The following KNTC1 variants were observed in gnomAD, a reference collection of about 807,000 sequenced individuals.
KNTC1 encodes kinetochore-associated protein 1.
In KNTC1, 253 loss-of-function variants were observed where a neutral mutation model predicts 314.4. The ratio of observed to expected loss-of-function variants is 0.80; its 90% CI spans 0.73 to 0.89. KNTC1 has a LOEUF of 0.89. KNTC1 is among the 40% of genes least tolerant of loss of function. KNTC1 has a pLI of 0.00. For missense variants in KNTC1, 2,475 were observed against 2,572.9 expected, an observed-to-expected ratio of 0.96 and a Z score of 0.82; for synonymous variants, 901 against 901.4, an observed-to-expected ratio of 1.00 and a Z score of 0.01.
At chr12:122,553,052 G>A (rs370408755) in intron 16 of KNTC1, among the ~76,000 whole-genome samples, 1 of 152,000 alleles carries the variant, frequency 6.6e-6, no homozygotes, top group Non-Finnish European at 1.5e-5. Flanking sequence ...ACCTACTCGG[G>A]AGGCTGAAGC....
Position 122,573,000 on chromosome 12 carries a change from T to G in KNTC1, c.2083T>G (p.Leu695Val). The G allele has an allele frequency of 1.2e-6, 2 of 1,609,886 alleles. No individual in the cohort carries two copies. Among genetic ancestry groups the G allele is most frequent in the South Asian group, 1.1e-5 (1 of 90,366 alleles). Residue 695 changes from leucine to valine, a missense_variant, in exon 25 of 64, where the codon TTG (leucine) becomes GTG (valine). Coordinates refer to ENST00000333479, the MANE Select transcript of KNTC1 (RefSeq NM_014708.6). ...LRTLVNNLRE[L>V]ITLHRKYNCK... ...GACTTTGGTAAATAACTTGCGAGAG[T>G]TGATCACGTTGCATAGGAAGTACAA...
In KNTC1 at chr12:122,565,240, G is replaced by GTT. The variant is rs34289528; in HGVS notation, c.1604+2552_1604+2553dup. ...CCTTGGTCCCTCTTTCTCTTGAGTT[G>GTT]TTTTTTTTTTTTAAAAAAAAAAAAA... On this transcript the variant is annotated intron_variant, in intron 20 of 63. Coordinates refer to ENST00000333479, the MANE Select transcript of KNTC1 (RefSeq NM_014708.6). Among the ~76,000 whole-genome samples the GTT allele has an allele frequency of 1.8e-3, 174 of 99,304 alleles. 1 individual carries two copies. The highest frequency in any genetic ancestry group is 3.6e-3 in the East Asian group (13 of 3,592). The allele number at this position is 99,304 out of a possible 152,430, so 65.1% of individuals were successfully genotyped here.
Position 122,618,472 on chromosome 12 carries a change from T to TTCAGCC in KNTC1, c.6086-9_6086-8insCAGCCT. ...TGTATATCATGGTTGTTTTTTTGTT[T>TTCAGCC]TGTTTTCAGCCTCTTGTCCTTTAAG... On this transcript the variant is annotated splice_polypyrimidine_tract_variant and intron_variant, in intron 58 of 63. Coordinates refer to ENST00000333479, the MANE Select transcript of KNTC1 (RefSeq NM_014708.6). 1 of 1,612,940 alleles carries TTCAGCC rather than the reference T, an allele frequency of 6.2e-7. No homozygotes were observed. Among genetic ancestry groups the TTCAGCC allele is most frequent in the Non-Finnish European group, 8.5e-7 (1 of 1,179,596 alleles).
At chr12:122,596,114 G>T (rs977931563) in intron 43 of KNTC1, among the ~76,000 whole-genome samples, 1 of 124,456 alleles carries the variant, frequency 8.0e-6, no homozygotes, top group African/African-American at 3.2e-5. Flanking sequence ...ACGGAGTCTC[G>T]CTCTGTCACC....
intron 54 of KNTC1, 30 bp from the exon 55 acceptor site, chr12:122,613,596 A>G (rs1593682926): frequency 1.3e-6 from 2 of 1,569,016 alleles, no homozygotes; most frequent in East Asian, 4.5e-5. Context: ...GCCTATGAGA[A>G]TGATTCTTAG....
At chr12:122,606,289 G>A (rs1003360671) in intron 51 of KNTC1, among the ~76,000 whole-genome samples, 3 of 144,644 alleles carry the variant, frequency 2.1e-5, no homozygotes, top group Non-Finnish European at 4.5e-5. Flanking sequence ...GTGCAGTGGC[G>A]TGATCTCAGC....
At chr12:122,543,348 A>G (rs1216574448) in intron 6 of KNTC1, among the ~76,000 whole-genome samples, 12 of 152,352 alleles carry the variant, frequency 7.9e-5, no homozygotes, top group East Asian at 5.8e-4. Context: ...TGAGAAGCAC[A>G]GGAGAGTTGG....
At chr12:122,591,559 T>C in intron 42 of KNTC1, 106 bp downstream of exon 42, 1 of 664,412 alleles carries the variant, frequency 1.5e-6, no homozygotes, top group Non-Finnish European at 2.7e-6. Context: ...AGTGTATGTG[T>C]ACTGCCTCAT....
At chr12:122,611,013 T>C (rs745699068) in intron 53 of KNTC1, 113 bp downstream of exon 53, 11 of 740,080 alleles carry the variant, frequency 1.5e-5, no homozygotes, top group East Asian at 2.6e-5. Flanking sequence ...AATGCTCACG[T>C]ACATATGTAT....
chr12:122,588,361 C>T (rs1869666540), intron 39 of KNTC1, among the ~76,000 whole-genome samples: 1 of 152,106 alleles, frequency 6.6e-6, no homozygotes, highest in African/African-American at 2.4e-5. Context: ...AACTGGGCCT[C>T]AGAGGGAGTT....
At chr12:122,605,456 C>A in intron 51 of KNTC1, 41 bp downstream of exon 51, 2 of 952,364 alleles carry the variant, frequency 2.1e-6, no homozygotes, top group Non-Finnish European at 3.3e-6. Flanking sequence ...GTTGAGTATG[C>A]ACTGATGGCT....
At chr12:122,577,976 G>A (rs1265386224) in intron 31 of KNTC1, among the ~76,000 whole-genome samples, 185 bp downstream of exon 31, 5 of 152,112 alleles carry the variant, frequency 3.3e-5, no homozygotes, top group South Asian at 2.1e-4. Context: ...GCCTTGGAGC[G>A]GCTGCTTGAG....
Position 122,577,742 on chromosome 12 carries a change from T to C in KNTC1, c.2792T>C (p.Ile931Thr). The C allele has an allele frequency of 6.2e-7, 1 of 1,613,798 alleles. No individual in the cohort carries two copies. The highest frequency in any genetic ancestry group is 8.5e-7 in the Non-Finnish European group (1 of 1,179,798). Residue 931 changes from isoleucine to threonine, a missense_variant, in exon 31 of 64, where the codon ATC (isoleucine) becomes ACC (threonine). By Grantham distance (89) the Ile-to-Thr change is moderately conservative. Transcript: ENST00000333479. ...AEAEKTAERVIIWARLALQEE... is the reference protein window; with the variant it reads ...AEAEKTAERVTIWARLALQEE... ...GCTGAGAAAACTGCAGAAAGAGTCA[T>C]CATATGGGCACGACTGGCATTACAA...
chr12:122,607,273 G>A (rs1016039659), intron 51 of KNTC1, among the ~76,000 whole-genome samples: 2 of 151,964 alleles, frequency 1.3e-5, no homozygotes, highest in South Asian at 2.1e-4. Context: ...CATGTTGGCC[G>A]GGCTGGTCTC....
At chr12:122,600,214 C>T (rs1013202489) in intron 44 of KNTC1, among the ~76,000 whole-genome samples, 1 of 152,118 alleles carries the variant, frequency 6.6e-6, no homozygotes, top group Admixed American at 6.6e-5. Flanking sequence ...ATTCTCCTGC[C>T]TCTGCCTCCT....
intron 21 of KNTC1, among the ~76,000 whole-genome samples, 192 bp from the exon 22 acceptor site, chr12:122,569,489 C>T (rs1235297750): frequency 1.3e-5 from 2 of 152,190 alleles, no homozygotes; most frequent in Admixed American, 6.6e-5. Flanking sequence ...ATTTGGCACT[C>T]AGCGCCGTGA....
intron 42 of KNTC1, among the ~76,000 whole-genome samples, chr12:122,592,621 C>A (rs1241985613): frequency 6.6e-6 from 1 of 152,140 alleles, no homozygotes; most frequent in South Asian, 2.1e-4. Flanking sequence ...TCTGGTGGGG[C>A]CTTGGAGAAC....
intron 22 of KNTC1, 148 bp downstream of exon 22, chr12:122,569,972 G>T: frequency 1.6e-6 from 1 of 641,738 alleles, no homozygotes; most frequent in South Asian, 2.3e-5. Context: ...AAAGACAACT[G>T]TGATTCAGAA....
intron 21 of KNTC1, 147 bp from the exon 22 acceptor site, chr12:122,569,532 TCA>T (rs1287941274): frequency 3.2e-6 from 2 of 620,504 alleles, no homozygotes; most frequent in African/African-American, 3.7e-5. Flanking sequence ...CCAACTAGAA[TCA>T]TTTGCATAGT....
Sources: gnomAD v4.1 joint callset for allele counts (sites outside exome capture counted in the v4.1 genomes callset) on GRCh38, gnomAD v4.1.1 for gene constraint, MANE v1.5 for transcripts, NCBI Gene and HGNC (gene_info 2026-07-23, HGNC 2026-07-21) for gene names.